SLC17A1: variants seen among roughly 807,000 people sequenced by gnomAD.
SLC17A1 encodes the protein sodium-dependent phosphate transport protein 1.
SLC17A1 carries 51 observed loss-of-function variants against 53.5 expected under a neutral mutation model. The ratio of observed to expected loss-of-function variants is 0.95; its 90% CI spans 0.76 to 1.20. The LOEUF is 1.20. SLC17A1 is among the 50% of genes most tolerant of loss of function. SLC17A1 has a pLI of 0.00. For synonymous variants in SLC17A1, 179 were observed against 198.8 expected, an observed-to-expected ratio of 0.90 and a Z score of 0.84; for missense variants, 538 against 568.2, an observed-to-expected ratio of 0.95 and a Z score of 0.54.
intron 10 of SLC17A1, among the ~76,000 whole-genome samples, chr6:25,804,059 A>G (rs1763874673): frequency 6.6e-6 from 1 of 152,210 alleles, no homozygotes; most frequent in African/African-American, 2.4e-5. Flanking sequence ...ACATCTGAAT[A>G]TATCGTTAAT....
chr6:25,765,370 T>A, the SLC17A1 span, among the ~76,000 whole-genome samples: 1 of 152,222 alleles, frequency 6.6e-6, no homozygotes, highest in Non-Finnish European at 1.5e-5. Context: ...ATCCCCATTT[T>A]GTAGGAGCCT....
At chr6:25,810,754 T>A (rs1023085986) in intron 10 of SLC17A1, among the ~76,000 whole-genome samples, 5 of 152,168 alleles carry the variant, frequency 3.3e-5, no homozygotes, top group African/African-American at 1.2e-4. Context: ...CTCCTGGGTG[T>A]CTATCCAAAG....
chr6:25,731,105 CTAAGCAACA>C, the SLC17A1 span, among the ~76,000 whole-genome samples: 1 of 152,292 alleles, frequency 6.6e-6, no homozygotes, highest in South Asian at 2.1e-4. Flanking sequence ...TCTTAAGCGG[CTAAGCAACA>C]TAAGAACTGT....
intron 6 of SLC17A1, among the ~76,000 whole-genome samples, chr6:25,816,244 C>A (rs1764351556): frequency 6.6e-6 from 1 of 152,202 alleles, no homozygotes; most frequent in African/African-American, 2.4e-5. Context: ...AGACCCATTC[C>A]CACCTCACTA....
chr6:25,801,720 T>C (rs1763767613), intron 10 of SLC17A1, among the ~76,000 whole-genome samples: 1 of 152,236 alleles, frequency 6.6e-6, no homozygotes, highest in African/African-American at 2.4e-5. Context: ...TTTTTTCTGA[T>C]CTTCTTATTT....
chr6:25,799,018 G>A (rs778816976), intron 11 of SLC17A1, 99 bp from the exon 12 acceptor site: 9 of 1,142,330 alleles, frequency 7.9e-6, no homozygotes, highest in South Asian at 6.3e-5. Context: ...CTCAAGTCAC[G>A]TAACAAATAT....
chr6:25,757,922 G>A, the SLC17A1 span, among the ~76,000 whole-genome samples: 16 of 152,278 alleles, frequency 1.1e-4, no homozygotes, highest in East Asian at 1.2e-3. Context: ...TTTTGGGGTC[G>A]TGTGGCTTCT....
At chr6:25,741,777 T>G in the SLC17A1 span, among the ~76,000 whole-genome samples, 1 of 151,914 alleles carries the variant, frequency 6.6e-6, no homozygotes, top group Non-Finnish European at 1.5e-5. Flanking sequence ...TGTGCATGCC[T>G]GTAATCCCAG....
At chr6:25,732,704 A>C in the SLC17A1 span, 1 of 1,342,276 alleles carries the variant, frequency 7.5e-7, no homozygotes, top group South Asian at 1.2e-5. Context: ...CCGCAACGAC[A>C]AGGAGCTCGA....
At chr6:25,790,938 A>C (rs1763487162) in intron 12 of SLC17A1, among the ~76,000 whole-genome samples, 1 of 152,210 alleles carries the variant, frequency 6.6e-6, no homozygotes, top group Admixed American at 6.5e-5. Flanking sequence ...TTCAGTTAAA[A>C]AATTAAATAT....
chr6:25,746,675 C>CAACT, the SLC17A1 span, among the ~76,000 whole-genome samples: 120 of 152,228 alleles, frequency 7.9e-4, no homozygotes, highest in Non-Finnish European at 1.4e-3. Flanking sequence ...TAGCCATGGT[C>CAACT]AACTATAAGA....
chr6:25,741,052 G>A, the SLC17A1 span, among the ~76,000 whole-genome samples: 2 of 139,882 alleles, frequency 1.4e-5, no homozygotes, highest in Non-Finnish European at 3.1e-5. Context: ...AAGTAAGGTT[G>A]GTTAATAGGT....
intron 10 of SLC17A1, among the ~76,000 whole-genome samples, chr6:25,801,637 A>G (rs1204971389): frequency 1.3e-5 from 2 of 152,214 alleles, no homozygotes; most frequent in Non-Finnish European, 2.9e-5. Context: ...TGCCCTGTAG[A>G]TTTCATCATT....
At chr6:25,800,866 A>G (rs915212572) in intron 11 of SLC17A1, 24 bp downstream of exon 11, 1 of 1,396,496 alleles carries the variant, frequency 7.2e-7, no homozygotes, top group East Asian at 2.3e-5. Flanking sequence ...TGGAAAAATA[A>G]CTACACATCT....
chr6:25,770,429 C>G, the SLC17A1 span: 1 of 1,613,966 alleles, frequency 6.2e-7, no homozygotes, highest in Non-Finnish European at 8.5e-7. Context: ...CAAATGGGCT[C>G]CCCCACTGGA....
chr6:25,751,603 G>GGAAACCCACCA, the SLC17A1 span, among the ~76,000 whole-genome samples: 2 of 152,186 alleles, frequency 1.3e-5, no homozygotes, highest in Admixed American at 1.3e-4. Flanking sequence ...GGGCCCCTAA[G>GGAAACCCACCA]TGAGGAAAAC....
In SLC17A1 at chr6:25,798,176, A is replaced by T. The variant is rs1419509965; in HGVS notation, c.*2+607T>A. 2.6e-5 allele frequency among the ~76,000 whole-genome samples: 4 copies of T among 152,340 alleles called. No individual in the cohort carries two copies. In the East Asian group the frequency reaches 7.7e-4, roughly 29 times the overall value. On this transcript the variant is annotated intron_variant, in intron 12 of 12. Coordinates refer to ENST00000244527, the MANE Select transcript of SLC17A1 (RefSeq NM_005074.5). Reference sequence around the variant, plus strand: ...TTATTGAGGGTTGCAAAATAAGGACATTCTGCATCTTTCAATTCTTATTTA... The same window carrying T: ...TTATTGAGGGTTGCAAAATAAGGACTTTCTGCATCTTTCAATTCTTATTTA...
In SLC17A1 at chr6:25,811,352, T is replaced by G. The variant is rs369575262; in HGVS notation, c.1178+46A>C. ...TGTTGTGCACAATAAATATATACAA[T>G]ATTTATTTGTTAAAGGTTAAAAAAA... On this transcript the variant is annotated intron_variant, in intron 10 of 12. Coordinates refer to ENST00000244527, the MANE Select transcript of SLC17A1 (RefSeq NM_005074.5). The G allele has an allele frequency of 8.4e-6, 13 of 1,543,610 alleles. No homozygotes were observed. In the African/African-American group the frequency reaches 1.5e-4, roughly 18 times the overall value.
chr6:25,736,264 AATGAGTT>A, the SLC17A1 span, among the ~76,000 whole-genome samples: 1 of 152,132 alleles, frequency 6.6e-6, no homozygotes, highest in Admixed American at 6.5e-5. Context: ...TTATCTCAAT[AATGAGTT>A]TCTTTTGTAA....
Sources: allele counts gnomAD v4.1 joint callset (sites outside exome capture counted in the v4.1 genomes callset), GRCh38; gene constraint gnomAD v4.1.1; transcripts MANE v1.5; gene names NCBI Gene and HGNC (gene_info 2026-07-23, HGNC 2026-07-21).